PTPRT: variants seen among roughly 807,000 people sequenced by gnomAD.
The protein encoded by PTPRT is receptor-type tyrosine-protein phosphatase T.
In PTPRT, 56 loss-of-function variants were observed where a neutral mutation model predicts 176.8. The ratio of observed to expected loss-of-function variants is 0.32; its 90% CI spans 0.26 to 0.40. PTPRT has a LOEUF of 0.40. Among genes scored for constraint, PTPRT ranks in the 10% least tolerant of loss-of-function variants. PTPRT has a pLI of 1.00. For synonymous variants in PTPRT, 783 were observed against 739.0 expected (o/e 1.06, Z -0.96); for missense variants, 1,540 against 1,908.2 (o/e 0.81, Z 3.60).
At chr20:42,050,262 G>C in the PTPRT span, among the ~76,000 whole-genome samples, 1 of 152,100 alleles carries the variant, frequency 6.6e-6, no homozygotes, top group East Asian at 1.9e-4. Context: ...CCTTCTGCTT[G>C]TCTGAGGCGT....
At chr20:42,608,875 C>T (rs915137818) in intron 7 of PTPRT, among the ~76,000 whole-genome samples, 1 of 152,076 alleles carries the variant, frequency 6.6e-6, no homozygotes, top group Admixed American at 6.5e-5. Context: ...GGGGAAGGTA[C>T]AGTTTTAGCC....
chr20:42,886,886 A>G (rs1025634361), intron 1 of PTPRT, among the ~76,000 whole-genome samples: 1 of 152,180 alleles, frequency 6.6e-6, no homozygotes, highest in African/African-American at 2.4e-5. Context: ...GGATGGGAGC[A>G]TCTCCATGGG....
At chr20:42,844,861 A>T (rs1433490938) in intron 2 of PTPRT, among the ~76,000 whole-genome samples, 3 of 151,880 alleles carry the variant, frequency 2.0e-5, no homozygotes, top group African/African-American at 7.3e-5. Context: ...TCTGGAGGAA[A>T]CCCATGGTCC....
intron 1 of PTPRT, among the ~76,000 whole-genome samples, chr20:42,917,025 A>T (rs1041206075): frequency 1.3e-5 from 2 of 152,178 alleles, no homozygotes; most frequent in Non-Finnish European, 2.9e-5. Context: ...TTTAGACATG[A>T]AGTCCTTGCC....
intron 1 of PTPRT, among the ~76,000 whole-genome samples, chr20:43,024,222 G>A (rs1229978839): frequency 6.6e-6 from 1 of 152,116 alleles, no homozygotes; most frequent in Non-Finnish European, 1.5e-5. Context: ...CACCTTATAG[G>A]GTTGTTGTGA....
intron 1 of PTPRT, among the ~76,000 whole-genome samples, chr20:43,166,111 G>C (rs186204542): frequency 6.6e-6 from 1 of 152,122 alleles, no homozygotes; most frequent in Admixed American, 6.6e-5. Flanking sequence ...GATCACCTGA[G>C]GTCAGGAGTT....
chr20:43,030,019 G>A (rs373745791), intron 1 of PTPRT, among the ~76,000 whole-genome samples: 105 of 152,316 alleles, frequency 6.9e-4, no homozygotes, highest in African/African-American at 2.5e-3. Flanking sequence ...TTTACTGAAT[G>A]GGGAACATTT....
At chr20:42,097,309 A>G (rs1477590851) in intron 27 of PTPRT, among the ~76,000 whole-genome samples, 5 of 152,160 alleles carry the variant, frequency 3.3e-5, no homozygotes, top group African/African-American at 1.2e-4. Context: ...GGTCCCAGCC[A>G]CACTGGAACA....
chr20:42,159,555 C>A (rs1247878394), intron 17 of PTPRT, among the ~76,000 whole-genome samples: 3 of 152,064 alleles, frequency 2.0e-5, no homozygotes, highest in Admixed American at 2.0e-4. Context: ...AGACTGGGAC[C>A]ATTCAACCCC....
chr20:42,786,529 G>GCCACCT (rs1370175813), intron 3 of PTPRT, among the ~76,000 whole-genome samples: 4 of 152,140 alleles, frequency 2.6e-5, no homozygotes, highest in Admixed American at 2.6e-4. Context: ...AGGACATGTT[G>GCCACCT]CCACCTAATA....
At chr20:42,676,538 GCTCTCTCTCTCT>G (rs55873681) in intron 7 of PTPRT, among the ~76,000 whole-genome samples, 2 of 148,598 alleles carry the variant, frequency 1.3e-5, no homozygotes, top group Admixed American at 6.7e-5. Flanking sequence ...TATATACAAT[GCTCTCTCTCTCT>G]CTCTCTCTCT....
chr20:42,204,057 T>C (rs1333903277), intron 15 of PTPRT, among the ~76,000 whole-genome samples: 13 of 152,194 alleles, frequency 8.5e-5, no homozygotes, highest in Non-Finnish European at 1.5e-5. Context: ...CTAGAAAAGA[T>C]AGTCCTCTTA....
At chr20:43,127,339 C>A (rs1347700085) in intron 1 of PTPRT, among the ~76,000 whole-genome samples, 1 of 150,794 alleles carries the variant, frequency 6.6e-6, no homozygotes, top group Non-Finnish European at 1.5e-5. Context: ...AGGAGAATGG[C>A]GTGAACCTGG....
At chr20:43,099,623 T>A (rs1317337400) in intron 1 of PTPRT, among the ~76,000 whole-genome samples, 3 of 152,160 alleles carry the variant, frequency 2.0e-5, no homozygotes, top group Non-Finnish European at 4.4e-5. Context: ...CCTTTACAAA[T>A]GGCACGTCCC....
intron 6 of PTPRT, among the ~76,000 whole-genome samples, chr20:42,710,057 G>T (rs977290862): frequency 3.3e-5 from 5 of 152,166 alleles, no homozygotes; most frequent in Non-Finnish European, 7.3e-5. Context: ...AATAGCCTAT[G>T]ATCAGATGTG....
At chr20:42,209,553 T>C (rs920719041) in intron 15 of PTPRT, among the ~76,000 whole-genome samples, 1 of 152,020 alleles carries the variant, frequency 6.6e-6, no homozygotes, top group African/African-American at 2.4e-5. Flanking sequence ...CTAGAAGAAA[T>C]GGATAAATTC....
intron 6 of PTPRT, among the ~76,000 whole-genome samples, chr20:42,713,776 G>C (rs1211197793): frequency 6.6e-6 from 1 of 152,084 alleles, no homozygotes; most frequent in Non-Finnish European, 1.5e-5. Flanking sequence ...CCTTACTATA[G>C]TGAGTGAGTT....
intron 4 of PTPRT, 86 bp downstream of exon 4, chr20:42,780,132 G>A (rs2077193540): frequency 9.3e-7 from 1 of 1,078,508 alleles, no homozygotes; most frequent in East Asian, 2.4e-5. Flanking sequence ...ATGTTTGTAA[G>A]CTGAATGAAT....
In PTPRT at chr20:42,885,904, G is replaced by A. The variant is rs1304047748; in HGVS notation, c.117C>T (p.Ser39=). 1 of 1,609,904 alleles carries A rather than the reference G, an allele frequency of 6.2e-7. No individual in the cohort carries two copies. The highest frequency in any genetic ancestry group is 8.5e-7 in the Non-Finnish European group (1 of 1,177,298). The change falls in exon 2 of 31, where the codon AGC becomes AGT. Residue 39 remains serine (S), a synonymous_variant. Transcript: ENST00000373187. ...CTAGAGCCACACTATAACCACAGTT[G>A]CTGTAGTGCTCATCAAAGGAACAGC... ...AGGCSFDEHY[S]NCGYSVALGT... is the part of the protein sequence containing the mutation.
Sources: gnomAD v4.1 joint callset for allele counts (sites outside exome capture counted in the v4.1 genomes callset) on GRCh38, gnomAD v4.1.1 for gene constraint, MANE v1.5 for transcripts, NCBI Gene and HGNC (gene_info 2026-07-23, HGNC 2026-07-21) for gene names.